The following MTR variants were observed in gnomAD, a reference collection of about 807,000 sequenced individuals.
MTR encodes methionine synthase.
MTR carries 84 observed loss-of-function variants against 154.8 expected under a neutral mutation model. That is an observed-to-expected ratio of 0.54 (90% confidence interval 0.45 to 0.65). The LOEUF (loss-of-function observed/expected upper bound fraction) is 0.65, where lower values mean the gene tolerates loss of function less well. Among genes scored for constraint, MTR ranks in the 30% least tolerant of loss-of-function variants. The pLI, the probability that MTR is intolerant of heterozygous loss-of-function variation, is 0.00. For synonymous variants in MTR, 554 were observed against 553.9 expected (o/e 1.00, Z 0.00); for missense variants, 1,275 against 1,570.2 (o/e 0.81, Z 3.18).
chr1:236,806,549 G>T (rs1296994443), intron 3 of MTR, among the ~76,000 whole-genome samples: 1 of 152,090 alleles, frequency 6.6e-6, no homozygotes, highest in Non-Finnish European at 1.5e-5. Context: ...AGTATTAGAT[G>T]GCAGCCTTGG....
At chr1:236,868,729 T>C (rs1664955191) in intron 22 of MTR, among the ~76,000 whole-genome samples, 1 of 152,202 alleles carries the variant, frequency 6.6e-6, no homozygotes, top group South Asian at 2.1e-4. Flanking sequence ...TAACCAGTGG[T>C]TCTTAATATA....
At chr1:236,807,349 T>A (rs1180488458) in intron 3 of MTR, among the ~76,000 whole-genome samples, 1 of 152,172 alleles carries the variant, frequency 6.6e-6, no homozygotes, top group Non-Finnish European at 1.5e-5. Flanking sequence ...AATTTTTGTA[T>A]TTTTTGTAGA....
intron 30 of MTR, chr1:236,895,088 G>A: frequency 2.0e-6 from 1 of 488,936 alleles, no homozygotes; most frequent in East Asian, 4.0e-5. Flanking sequence ...GACCTTTAGG[G>A]AAATCGTTAA....
chr1:236,795,369 T>A lies in MTR; in HGVS notation c.-335T>A. The A allele has an allele frequency of 7.3e-7, 1 of 1,374,100 alleles. No homozygotes were observed. The highest frequency in any genetic ancestry group is 9.6e-7 in the Non-Finnish European group (1 of 1,043,558). 85.1% of individuals were successfully genotyped at this position (1,374,100 alleles called of 1,614,324 possible). ...ATGTCACGTCGTCCTCCTCTGCCGG[T>A]TTTCTCTTGGGTCCTTTTCCGTGCC... On this transcript the variant is annotated 5_prime_UTR_variant, in exon 1 of 33. Transcript: ENST00000366577.
chr1:236,800,433 C>T, intron 1 of MTR: 1 of 985,416 alleles, frequency 1.0e-6, no homozygotes, highest in Non-Finnish European at 1.2e-6. Context: ...GGGAGAATTG[C>T]AGCTACATCC....
Position 236,891,262 on chromosome 1 carries a change from T to C in MTR, c.3137T>C (p.Leu1046Pro). 6.2e-7 allele frequency: 1 copy of C among 1,614,164 alleles called. No individual in the cohort carries two copies. ...PAQSIQDDIH[L>P]YAEAAVPQAA... ...CAGAGTATCCAAGACGACATTCACC[T>C]GTACGCAGAGGCTGCTGTGCCCCAG... Residue 1046 changes from leucine to proline, a missense_variant, in exon 29 of 33, where the codon CTG becomes CCG. By Grantham distance (98) the Leu-to-Pro change is moderately conservative (BLOSUM62 -3). Coordinates refer to ENST00000366577, the MANE Select transcript of MTR (RefSeq NM_000254.3).
At chr1:236,832,606 C>T (rs1375545988) in intron 13 of MTR, among the ~76,000 whole-genome samples, 1 of 152,122 alleles carries the variant, frequency 6.6e-6, no homozygotes, top group East Asian at 1.9e-4. Context: ...TGTGGATGAG[C>T]AAAATTTAAT....
At position 236,901,514 on chromosome 1, in the gene MTR, G is replaced by T. The variant is rs1666915864; in HGVS notation, c.*3870G>T. Reference sequence around the variant, plus strand: ...GCCAGTCAGTAACACCATCAACCTGGGAGTTGCCCCTGACCCCTCCAGTCT... The same window carrying T: ...GCCAGTCAGTAACACCATCAACCTGTGAGTTGCCCCTGACCCCTCCAGTCT... On this transcript the variant is annotated 3_prime_UTR_variant, in exon 33 of 33. Transcript: ENST00000366577. The T allele has an allele frequency of 6.6e-6, 1 of 152,246 alleles. No homozygotes were observed. Among genetic ancestry groups the T allele is most frequent in the Non-Finnish European group, 1.5e-5 (1 of 68,094 alleles). 9.4% of individuals were successfully genotyped at this position (152,246 alleles called of 1,614,324 possible). A position where few individuals can be genotyped will look rare whatever the true frequency, so the allele number is the denominator to read the frequency against.
At position 236,900,554 on chromosome 1, in the gene MTR, T is replaced by C. The variant is rs1666874541; in HGVS notation, c.*2910T>C. ...TCCTGGTAGGCTTACAAGTGTTTAC[T>C]ATATGCTATTAATACATTATACTTT... On this transcript the variant is annotated 3_prime_UTR_variant, in exon 33 of 33. Transcript: ENST00000366577. 6.5e-6 allele frequency: 1 copy of C among 152,884 alleles called. No homozygotes were observed. The highest frequency in any genetic ancestry group is 2.4e-5 in the African/African-American group (1 of 41,470). 9.5% of individuals were successfully genotyped at this position (152,884 alleles called of 1,614,324 possible). A position where few individuals can be genotyped will look rare whatever the true frequency, so the allele number is the denominator to read the frequency against.
Position 236,897,597 on chromosome 1 carries a change from G to A in MTR, c.3751G>A (p.Glu1251Lys), listed in dbSNP as rs1666736227. ...ATTGAGGAAGAACATATCTGTGGCTGAGGTTGAGAAATGGCTTGGACCCAT... is the reference window on the plus strand; with the variant it reads ...ATTGAGGAAGAACATATCTGTGGCTAAGGTTGAGAAATGGCTTGGACCCAT... ...YALRKNISVA[E>K]VEKWLGPILG... Residue 1251 changes from glutamate (E) to lysine (K), a missense_variant, in exon 33 of 33, where the codon GAG (glutamate) becomes AAG (lysine). Glu to Lys is a moderately conservative substitution (Grantham distance 56). Coordinates refer to ENST00000366577, the MANE Select transcript of MTR (RefSeq NM_000254.3). The A allele has an allele frequency of 1.2e-6, 2 of 1,613,638 alleles. No homozygotes were observed. The highest frequency in any genetic ancestry group is 2.7e-5 in the African/African-American group (2 of 74,812).
intron 10 of MTR, among the ~76,000 whole-genome samples, chr1:236,826,189 T>A (rs562109835): frequency 6.6e-6 from 1 of 152,350 alleles, no homozygotes; most frequent in South Asian, 2.1e-4. Context: ...TAAAAATCAA[T>A]ACTCTATTTT....
chr1:236,814,649 G>A (rs1209592837), intron 6 of MTR, among the ~76,000 whole-genome samples: 1 of 152,098 alleles, frequency 6.6e-6, no homozygotes, highest in Non-Finnish European at 1.5e-5. Context: ...AGTGCATTTG[G>A]ATCTAGTGTT....
At chr1:236,878,761 G>A (rs1023871224) in intron 24 of MTR, among the ~76,000 whole-genome samples, 2 of 152,162 alleles carry the variant, frequency 1.3e-5, no homozygotes, top group Non-Finnish European at 2.9e-5. Context: ...AATAGATTTG[G>A]GGTCTTTGGT....
chr1:236,858,787 C>G (rs1423056314), intron 18 of MTR, among the ~76,000 whole-genome samples: 1 of 152,162 alleles, frequency 6.6e-6, no homozygotes, highest in African/African-American at 2.4e-5. Flanking sequence ...GGTTTGGCAG[C>G]TGGTACCTCC....
intron 13 of MTR, among the ~76,000 whole-genome samples, chr1:236,833,259 C>G (rs1430789630): frequency 6.6e-6 from 1 of 152,126 alleles, no homozygotes; most frequent in Non-Finnish European, 1.5e-5. Context: ...CTTCTTATGC[C>G]TATTCTATGG....
rs111840642 is a variant in MTR at position 236,795,503 on chromosome 1, C to T, written c.-201C>T. The stretch of plus-strand genomic sequence containing the variant: ...GTGCTCCAGCAGTTGCCGCGCCCAG[C>T]CCCGAGAGAGGCCCTAGGGCGCTGC... On this transcript the variant is annotated 5_prime_UTR_variant, in exon 1 of 33. Transcript: ENST00000366577. 3 of 1,521,668 alleles carry T rather than the reference C, an allele frequency of 2.0e-6. No individual in the cohort carries two copies. Among genetic ancestry groups the T allele is most frequent in the Middle Eastern group, 1.7e-4 (1 of 5,908 alleles). The allele number at this position is 1,521,668 out of a possible 1,614,324, so 94.3% of individuals were successfully genotyped here. A position where few individuals can be genotyped will look rare whatever the true frequency, so the allele number is the denominator to read the frequency against.
intron 22 of MTR, among the ~76,000 whole-genome samples, chr1:236,868,818 G>A (rs148181307): frequency 1.3e-5 from 2 of 152,334 alleles, no homozygotes; most frequent in East Asian, 3.9e-4. Context: ...GGAACGTTCA[G>A]CTGAGTGAGG....
chr1:236,850,250 AT>A lies in MTR; in HGVS notation c.1516-93del, dbSNP rs146375090. On this transcript the variant is annotated intron_variant, in intron 15 of 32. Coordinates refer to ENST00000366577, the MANE Select transcript of MTR (RefSeq NM_000254.3). ...TATAACACTTAATATTTTAATATTA[AT>A]ATTTTATTAAAATAAAATAACAGGT... is the stretch of plus-strand genomic sequence containing the variant. The A allele has an allele frequency of 0.41, 332,891 of 820,174 alleles. 70,233 individuals carry two copies. Among genetic ancestry groups the A allele is most frequent in the East Asian group, 0.46 (11,629 of 25,096 alleles). 50.8% of individuals were successfully genotyped at this position (820,174 alleles called of 1,614,324 possible).
chr1:236,825,509 A>C (rs1473626555), intron 10 of MTR, 110 bp downstream of exon 10: 4 of 1,126,356 alleles, frequency 3.6e-6, no homozygotes, highest in Non-Finnish European at 5.4e-6. Context: ...ATGTACATAT[A>C]ACAAAGAAAA....
Sources: gnomAD v4.1 joint callset for allele counts (sites outside exome capture counted in the v4.1 genomes callset) on GRCh38, gnomAD v4.1.1 for gene constraint, MANE v1.5 for transcripts, NCBI Gene and HGNC (gene_info 2026-07-23, HGNC 2026-07-21) for gene names.